ADGRB3: variants seen among roughly 807,000 people sequenced by gnomAD.
ADGRB3 encodes the protein brain-specific angiogenesis inhibitor 3.
Under a neutral mutation model 193.4 loss-of-function variants are expected in ADGRB3, and 37 were observed. The ratio of observed to expected loss-of-function variants is 0.19; its 90% CI spans 0.15 to 0.25. The LOEUF is 0.25. ADGRB3 is among the 10% of genes least tolerant of loss of function. The pLI is 1.00. For missense variants in ADGRB3, 1,637 were observed against 1,852.9 expected (o/e 0.88, Z 2.14); for synonymous variants, 690 against 644.2 (o/e 1.07, Z -1.08).
intron 3 of ADGRB3, among the ~76,000 whole-genome samples, chr6:68,731,469 T>TGAAATGATTATATTTC (rs1370803039): frequency 6.6e-6 from 1 of 151,614 alleles, no homozygotes; most frequent in Non-Finnish European, 1.5e-5. Flanking sequence ...AATATAATTT[T>TGAAATGATTATATTTC]AGAATATGAT....
intron 3 of ADGRB3, among the ~76,000 whole-genome samples, chr6:68,859,635 A>G (rs1343204648): frequency 6.6e-6 from 1 of 152,174 alleles, no homozygotes; most frequent in Non-Finnish European, 1.5e-5. Flanking sequence ...TCCCCTTTAT[A>G]AAACCTTCAG....
intron 17 of ADGRB3, among the ~76,000 whole-genome samples, chr6:69,155,805 G>A (rs917342962): frequency 2.0e-5 from 3 of 152,130 alleles, no homozygotes; most frequent in African/African-American, 7.2e-5. Context: ...ACAAAATGGA[G>A]AAATATTTTT....
intron 3 of ADGRB3, among the ~76,000 whole-genome samples, chr6:68,730,905 A>G (rs962973463): frequency 1.3e-5 from 2 of 151,674 alleles, no homozygotes; most frequent in African/African-American, 4.8e-5. Flanking sequence ...GCTCTCTAGC[A>G]CTGATGCCTG....
At chr6:69,360,001 A>G (rs759165484) in intron 28 of ADGRB3, among the ~76,000 whole-genome samples, 1 of 151,844 alleles carries the variant, frequency 6.6e-6, no homozygotes, top group Non-Finnish European at 1.5e-5. Context: ...AAAAAAAACT[A>G]AAATATATTT....
At chr6:69,322,051 T>G (rs958945600) in intron 20 of ADGRB3, among the ~76,000 whole-genome samples, 3 of 151,900 alleles carry the variant, frequency 2.0e-5, no homozygotes, top group African/African-American at 7.2e-5. Context: ...TGTTCTCCTC[T>G]GTGTGTCCAT....
intron 3 of ADGRB3, among the ~76,000 whole-genome samples, chr6:68,850,823 C>G (rs1471697421): frequency 1.3e-5 from 2 of 151,870 alleles, no homozygotes; most frequent in Non-Finnish European, 2.9e-5. Flanking sequence ...TATTTGATTT[C>G]TAGTCAAGTC....
chr6:69,288,026 C>G (rs1431800464), intron 20 of ADGRB3, among the ~76,000 whole-genome samples: 1 of 151,874 alleles, frequency 6.6e-6, no homozygotes, highest in Non-Finnish European at 1.5e-5. Flanking sequence ...AGCAATAAAA[C>G]TTGTTTCATT....
At chr6:69,192,106 G>A (rs1334139020) in intron 17 of ADGRB3, among the ~76,000 whole-genome samples, 1 of 152,114 alleles carries the variant, frequency 6.6e-6, no homozygotes, top group African/African-American at 2.4e-5. Flanking sequence ...AAAAGGAGTT[G>A]ATTAAGGAGT....
intron 3 of ADGRB3, among the ~76,000 whole-genome samples, chr6:68,867,166 C>G (rs1765319309): frequency 6.6e-6 from 1 of 152,114 alleles, no homozygotes; most frequent in Non-Finnish European, 1.5e-5. Flanking sequence ...ACCTGGAGGC[C>G]TAGGAAGGAA....
At chr6:68,878,559 T>A (rs1459790512) in intron 3 of ADGRB3, among the ~76,000 whole-genome samples, 27 of 152,244 alleles carry the variant, frequency 1.8e-4, no homozygotes, top group Non-Finnish European at 1.5e-5. Context: ...TCAGTATCTA[T>A]AAACATCCTT....
chr6:68,688,173 A>T (rs1157479516), intron 3 of ADGRB3, among the ~76,000 whole-genome samples: 1 of 152,092 alleles, frequency 6.6e-6, no homozygotes, highest in African/African-American at 2.4e-5. Flanking sequence ...TAAGAAACAC[A>T]ATGCCAACCC....
At chr6:69,154,419 C>T (rs1774772623) in intron 17 of ADGRB3, among the ~76,000 whole-genome samples, 1 of 152,214 alleles carries the variant, frequency 6.6e-6, no homozygotes, top group Non-Finnish European at 1.5e-5. Context: ...CCAGCCTCAT[C>T]TTGCATCATT....
chr6:68,932,286 G>T (rs372250343), intron 4 of ADGRB3, among the ~76,000 whole-genome samples: 1 of 152,134 alleles, frequency 6.6e-6, no homozygotes, highest in Admixed American at 6.6e-5. Flanking sequence ...TTCCAATAGC[G>T]TAACATGATT....
In ADGRB3 at chr6:69,204,700, C is replaced by T. The variant is rs570503507; in HGVS notation, c.2481-28590C>T. Among the ~76,000 whole-genome samples the T allele has an allele frequency of 2.0e-5, 3 of 152,234 alleles. No homozygotes were observed. The South Asian group carries it at 6.2e-4, about 32-fold the overall frequency. On this transcript the variant is annotated intron_variant, in intron 17 of 31. Transcript: ENST00000370598. ...TCTTATTTTTTACAAAACATTTTATCTAGAAATTAAAAGAATCATCTCCTA... is the reference window on the plus strand; with the variant it reads ...TCTTATTTTTTACAAAACATTTTATTTAGAAATTAAAAGAATCATCTCCTA...
At chr6:68,720,269 G>A (rs1765554050) in intron 3 of ADGRB3, among the ~76,000 whole-genome samples, 1 of 151,668 alleles carries the variant, frequency 6.6e-6, no homozygotes, top group Non-Finnish European at 1.5e-5. Flanking sequence ...GAAAGAGGTG[G>A]CTTCTTTAGC....
At chr6:68,673,161 C>T (rs890455107) in intron 3 of ADGRB3, among the ~76,000 whole-genome samples, 2 of 151,956 alleles carry the variant, frequency 1.3e-5, no homozygotes, top group Non-Finnish European at 2.9e-5. Context: ...TTCAAGGGTT[C>T]GAATGGGTAT....
At chr6:69,033,599 T>G (rs368936361) in intron 13 of ADGRB3, among the ~76,000 whole-genome samples, 2 of 152,150 alleles carry the variant, frequency 1.3e-5, no homozygotes, top group East Asian at 3.8e-4. Context: ...ATATGGCTAG[T>G]TTAGCATATT....
At chr6:69,153,160 A>G (rs1051773391) in intron 17 of ADGRB3, among the ~76,000 whole-genome samples, 2 of 152,160 alleles carry the variant, frequency 1.3e-5, no homozygotes, top group African/African-American at 4.8e-5. Flanking sequence ...TTAATTTTAA[A>G]ATCTGTTAAA....
At chr6:69,358,434 C>T (rs760395517) in intron 28 of ADGRB3, among the ~76,000 whole-genome samples, 2 of 151,898 alleles carry the variant, frequency 1.3e-5, no homozygotes, top group African/African-American at 2.4e-5. Flanking sequence ...AGATTTTTCC[C>T]GGGCCTCATT....
Sources: allele counts gnomAD v4.1 joint callset (sites outside exome capture counted in the v4.1 genomes callset), GRCh38; gene constraint gnomAD v4.1.1; transcripts MANE v1.5; gene names NCBI Gene and HGNC (gene_info 2026-07-23, HGNC 2026-07-21).